The following PDE4D variants were observed in gnomAD, a reference collection of about 807,000 sequenced individuals.
The protein encoded by PDE4D is 3',5'-cyclic-AMP phosphodiesterase 4D.
Under a neutral mutation model 87.4 loss-of-function variants are expected in PDE4D, and 24 were observed. The observed-to-expected ratio is 0.27, with a 90% CI of 0.20 to 0.39. PDE4D has a LOEUF of 0.39. Ranked by LOEUF, PDE4D falls within the 10% of genes least tolerant of loss-of-function variation. The probability of loss-of-function intolerance (pLI) is 1.00; values close to 1 mark genes in which losing one functional copy is unlikely to be tolerated. For missense variants in PDE4D, 714 were observed against 1,041.0 expected (o/e 0.69, Z 4.32); for synonymous variants, 384 against 383.2 (o/e 1.00, Z -0.02).
chr5:59,138,023 C>A (rs1279870434), intron 5 of PDE4D, among the ~76,000 whole-genome samples: 1 of 152,206 alleles, frequency 6.6e-6, no homozygotes, highest in African/African-American at 2.4e-5. Flanking sequence ...CCCCTAGCAA[C>A]CCTAACGAGG....
At position 59,350,741 on chromosome 5, in the gene PDE4D, A is replaced by G. The variant is rs13359805; in HGVS notation, c.456-134773T>C. On this transcript the variant is annotated intron_variant, in intron 1 of 14. Coordinates refer to ENST00000340635, the MANE Select transcript of PDE4D (RefSeq NM_001104631.2). ...GTGTTGTCTATGTGCCAGGCACTTT[A>G]CATGGCTAACACACTTAATCCTCAT... is the stretch of plus-strand genomic sequence containing the variant. 8.3e-3 allele frequency among the ~76,000 whole-genome samples: 1,260 copies of G among 152,320 alleles called. 18 individuals carry two copies. The highest frequency in any genetic ancestry group is 0.029 in the African/African-American group (1,205 of 41,580).
At chr5:58,978,865 T>C (rs186967657) in intron 11 of PDE4D, among the ~76,000 whole-genome samples, 12 of 152,354 alleles carry the variant, frequency 7.9e-5, no homozygotes, top group Admixed American at 3.9e-4. Flanking sequence ...TAGGTAAGCA[T>C]ATAGAAATGA....
intron 1 of PDE4D, among the ~76,000 whole-genome samples, chr5:59,241,841 T>G (rs1757748224): frequency 6.6e-6 from 1 of 152,170 alleles, no homozygotes; most frequent in South Asian, 2.1e-4. Flanking sequence ...GACTAAAATA[T>G]CTAGCAGCCA....
chr5:60,041,978 G>A (rs180703185), intron 2 of PDE4D, among the ~76,000 whole-genome samples: 604 of 152,094 alleles, frequency 4.0e-3, no homozygotes, highest in Non-Finnish European at 6.3e-3. Flanking sequence ...CTGTGGAAAG[G>A]GGGCTGAAAC....
chr5:59,156,562 G>T lies in PDE4D; in HGVS notation c.808+24033C>A, dbSNP rs909935282. ...TCTTGTAGTCATCTCAGACCATGAA[G>T]ACAAAGCCTATAATCTAGAAATGTT... On this transcript the variant is annotated intron_variant, in intron 5 of 14. Coordinates refer to ENST00000340635, the MANE Select transcript of PDE4D (RefSeq NM_001104631.2). Among the ~76,000 whole-genome samples, 50 of 151,672 alleles carry T rather than the reference G, an allele frequency of 3.3e-4. 1 individual carries two copies. Among genetic ancestry groups the T allele is most frequent in the African/African-American group, 1.2e-3 (48 of 41,354 alleles).
chr5:59,438,155 T>C (rs773471441), intron 1 of PDE4D, among the ~76,000 whole-genome samples: 3 of 152,154 alleles, frequency 2.0e-5, no homozygotes, highest in Non-Finnish European at 4.4e-5. Flanking sequence ...ATAGGAATTA[T>C]AGAAATGAAC....
chr5:59,205,803 T>A (rs372914252), intron 2 of PDE4D, among the ~76,000 whole-genome samples: 13 of 151,992 alleles, frequency 8.6e-5, no homozygotes, highest in African/African-American at 2.9e-4. Context: ...AAATATGAGA[T>A]CTGCATGTAG....
intron 1 of PDE4D, among the ~76,000 whole-genome samples, chr5:60,452,470 G>A (rs191560741): frequency 9.9e-5 from 15 of 152,212 alleles, no homozygotes; most frequent in Admixed American, 8.5e-4. Flanking sequence ...GACAATGTAT[G>A]TCTTATCTTC....
chr5:59,592,044 G>T, intron 1 of PDE4D: 1 of 535,184 alleles, frequency 1.9e-6, no homozygotes. Context: ...AGGTGAGTGT[G>T]CCATCAGAAT....
intron 5 of PDE4D, among the ~76,000 whole-genome samples, chr5:59,173,629 G>C (rs556100143): frequency 1.3e-5 from 2 of 152,034 alleles, no homozygotes; most frequent in African/African-American, 2.4e-5. Context: ...AGCATTTTTC[G>C]ATCACATTTC....
chr5:59,702,378 G>A (rs169869), intron 1 of PDE4D, among the ~76,000 whole-genome samples: 64,495 of 151,674 alleles, frequency 0.43, 14,342 homozygotes, highest in East Asian at 0.69. Context: ...TGCCTGCCTC[G>A]GCCTCCCAAA....
chr5:59,653,332 T>C, intron 1 of PDE4D, among the ~76,000 whole-genome samples: 1 of 150,820 alleles, frequency 6.6e-6, no homozygotes, highest in Non-Finnish European at 1.5e-5. Context: ...GCCTCCAGAG[T>C]AGCTGGGACT....
At chr5:60,107,917 A>C (rs1777191320) in intron 2 of PDE4D, among the ~76,000 whole-genome samples, 1 of 152,200 alleles carries the variant, frequency 6.6e-6, no homozygotes, top group South Asian at 2.1e-4. Context: ...GAATGGGCAA[A>C]AACTAGAATC....
intron 1 of PDE4D, among the ~76,000 whole-genome samples, chr5:60,351,251 A>T (rs2149925709): frequency 6.6e-6 from 1 of 152,304 alleles, no homozygotes; most frequent in African/African-American, 2.4e-5. Flanking sequence ...ACTTTATGGC[A>T]GAGATTAGAG....
chr5:59,339,873 A>G (rs969944845), intron 1 of PDE4D, among the ~76,000 whole-genome samples: 87 of 152,082 alleles, frequency 5.7e-4, no homozygotes, highest in African/African-American at 2.0e-3. Context: ...CCCCTAATTC[A>G]CTAATATCAC....
At chr5:60,003,260 G>T (rs1191595024) in intron 2 of PDE4D, among the ~76,000 whole-genome samples, 1 of 152,072 alleles carries the variant, frequency 6.6e-6, no homozygotes. Flanking sequence ...CATATTTATG[G>T]ATTGAAAGAT....
At chr5:59,460,879 T>C (rs1457930861) in intron 1 of PDE4D, among the ~76,000 whole-genome samples, 1 of 152,148 alleles carries the variant, frequency 6.6e-6, no homozygotes, top group Non-Finnish European at 1.5e-5. Context: ...GGTACAAGTC[T>C]CCTCTCTTCT....
chr5:59,720,636 A>T (rs2150555411), intron 1 of PDE4D, among the ~76,000 whole-genome samples: 1 of 152,296 alleles, frequency 6.6e-6, no homozygotes, highest in South Asian at 2.1e-4. Context: ...GGTTTAATGG[A>T]TATAAACCTG....
chr5:59,933,112 A>T (rs1756158888), intron 3 of PDE4D, among the ~76,000 whole-genome samples: 1 of 152,194 alleles, frequency 6.6e-6, no homozygotes, highest in African/African-American at 2.4e-5. Flanking sequence ...TGTACTGCAC[A>T]CTTAATGCCT....
Sources: allele counts gnomAD v4.1 joint callset (sites outside exome capture counted in the v4.1 genomes callset), GRCh38; gene constraint gnomAD v4.1.1; transcripts MANE v1.5; gene names NCBI Gene and HGNC (gene_info 2026-07-23, HGNC 2026-07-21).